The following THSD7B variants were observed in gnomAD, a reference collection of about 807,000 sequenced individuals.
THSD7B encodes the protein thrombospondin type-1 domain-containing protein 7B.
THSD7B carries 138 observed loss-of-function variants against 213.6 expected under a neutral mutation model. The observed-to-expected ratio is 0.65, with a 90% CI of 0.56 to 0.74. The LOEUF is 0.74. THSD7B is among the 30% of genes least tolerant of loss of function. The pLI, the probability that THSD7B is intolerant of heterozygous loss-of-function variation, is 0.00. For synonymous variants in THSD7B, 742 were observed against 687.0 expected (o/e 1.08, Z -1.25); for missense variants, 1,931 against 1,991.5 (o/e 0.97, Z 0.58).
intron 3 of THSD7B, among the ~76,000 whole-genome samples, chr2:137,060,084 C>T (rs951017549): frequency 2.0e-5 from 3 of 152,162 alleles, no homozygotes; most frequent in Non-Finnish European, 2.9e-5. Context: ...AATGGTATCT[C>T]ATTGTTTTAA....
intron 10 of THSD7B, among the ~76,000 whole-genome samples, chr2:137,268,433 C>T (rs1026839705): frequency 1.5e-4 from 23 of 151,910 alleles, no homozygotes; most frequent in African/African-American, 4.3e-4. Flanking sequence ...GATAGTTTGC[C>T]GAGAATGATG....
intron 2 of THSD7B, among the ~76,000 whole-genome samples, chr2:137,018,417 T>A (rs1686382117): frequency 6.6e-6 from 1 of 152,106 alleles, no homozygotes; most frequent in South Asian, 2.1e-4. Context: ...AATACAGAAG[T>A]ACTAAGAATA....
intron 7 of THSD7B, among the ~76,000 whole-genome samples, chr2:137,193,902 G>T (rs1013063119): frequency 6.7e-6 from 1 of 150,074 alleles, no homozygotes; most frequent in Non-Finnish European, 1.5e-5. Flanking sequence ...GGACTTTCTC[G>T]CTCCTGATCT....
chr2:137,011,228 T>C (rs1218156837), intron 2 of THSD7B, among the ~76,000 whole-genome samples: 1 of 152,196 alleles, frequency 6.6e-6, no homozygotes, highest in African/African-American at 2.4e-5. Flanking sequence ...TACTCTGCAC[T>C]TGAGGCCATC....
intron 14 of THSD7B, among the ~76,000 whole-genome samples, chr2:137,446,347 C>G (rs978017272): frequency 6.6e-6 from 1 of 151,992 alleles, no homozygotes; most frequent in Non-Finnish European, 1.5e-5. Flanking sequence ...CACATACATC[C>G]GTTATGCTAA....
At chr2:136,792,602 A>G (rs1052555586) in intron 1 of THSD7B, among the ~76,000 whole-genome samples, 7 of 151,974 alleles carry the variant, frequency 4.6e-5, no homozygotes, top group Non-Finnish European at 8.8e-5. Context: ...GGCTGTGCTG[A>G]TGGGGAGACA....
chr2:136,983,102 A>C (rs1195620424), intron 2 of THSD7B, among the ~76,000 whole-genome samples: 1 of 152,042 alleles, frequency 6.6e-6, no homozygotes, highest in Non-Finnish European at 1.5e-5. Context: ...TTTCTAATGT[A>C]AAAAGTATCT....
chr2:137,554,956 G>C (rs766683422), intron 15 of THSD7B, among the ~76,000 whole-genome samples: 4 of 152,326 alleles, frequency 2.6e-5, no homozygotes, highest in Middle Eastern at 3.4e-3. Flanking sequence ...TGCTAGCACA[G>C]CAGTCTGAGA....
At chr2:137,607,693 T>A (rs1042842037) in intron 17 of THSD7B, among the ~76,000 whole-genome samples, 4 of 152,196 alleles carry the variant, frequency 2.6e-5, no homozygotes, top group Non-Finnish European at 5.9e-5. Context: ...TTTTGGCTTG[T>A]ACTTGGTCAT....
intron 2 of THSD7B, among the ~76,000 whole-genome samples, chr2:137,028,593 G>A (rs1368058): frequency 0.072 from 10,909 of 152,242 alleles, 423 homozygotes; most frequent in East Asian, 0.14. Flanking sequence ...AGGCACTGGG[G>A]TTACAGGGAT....
intron 1 of THSD7B, among the ~76,000 whole-genome samples, chr2:136,784,934 A>C (rs973692974): frequency 2.0e-5 from 3 of 152,192 alleles, no homozygotes; most frequent in African/African-American, 7.2e-5. Flanking sequence ...TCATAATGCC[A>C]TTCAGCCTAA....
intron 25 of THSD7B, among the ~76,000 whole-genome samples, chr2:137,660,972 C>A (rs1198088846): frequency 6.6e-6 from 1 of 152,144 alleles, no homozygotes; most frequent in Non-Finnish European, 1.5e-5. Flanking sequence ...TCCTCAAAAT[C>A]ATGTGTTCAG....
chr2:137,453,254 A>T (rs1687687497), intron 15 of THSD7B, among the ~76,000 whole-genome samples: 1 of 151,754 alleles, frequency 6.6e-6, no homozygotes, highest in Non-Finnish European at 1.5e-5. Flanking sequence ...GTGTGGAAAA[A>T]TTAAATCAGG....
intron 14 of THSD7B, among the ~76,000 whole-genome samples, chr2:137,413,297 A>G (rs1316334458): frequency 6.6e-6 from 1 of 152,202 alleles, no homozygotes. Flanking sequence ...GCATTGGTTT[A>G]TTCATTCATT....
At chr2:137,294,747 A>T (rs893200548) in intron 12 of THSD7B, among the ~76,000 whole-genome samples, 1 of 152,054 alleles carries the variant, frequency 6.6e-6, no homozygotes, top group Admixed American at 6.6e-5. Context: ...AGGAAAAAAC[A>T]TAGTGTTTAT....
At chr2:137,364,939 C>A (rs1685369881) in intron 12 of THSD7B, among the ~76,000 whole-genome samples, 1 of 152,186 alleles carries the variant, frequency 6.6e-6, no homozygotes, top group Non-Finnish European at 1.5e-5. Flanking sequence ...CCAAGACAAT[C>A]CTAAGCCAAA....
chr2:137,642,875 C>T (rs995729498), intron 21 of THSD7B, among the ~76,000 whole-genome samples: 1 of 152,138 alleles, frequency 6.6e-6, no homozygotes, highest in Admixed American at 6.5e-5. Context: ...GGTCACAGAT[C>T]CTTCAATCTC....
chr2:137,464,209 GT>G (rs1006143997), intron 15 of THSD7B, among the ~76,000 whole-genome samples: 1 of 151,898 alleles, frequency 6.6e-6, no homozygotes, highest in Non-Finnish European at 1.5e-5. Flanking sequence ...TTACTTTTTG[GT>G]TTTAATGTTT....
rs143233552 is a variant in THSD7B, at chr2:136,797,401, G to C, written c.-36+31714G>C. Among the ~76,000 whole-genome samples, 112 of 152,094 alleles carry C rather than the reference G, an allele frequency of 7.4e-4. No individual in the cohort carries two copies. The East Asian group carries it at 0.018, about 25-fold the overall frequency. ...TTAAAAACCATTGGAGAAGGCGTAA[G>C]TCTTTCCATAGGCAACTCCATCTGA... On this transcript the variant is annotated intron_variant, in intron 1 of 27. Transcript: ENST00000409968.
Sources: allele counts gnomAD v4.1 joint callset (sites outside exome capture counted in the v4.1 genomes callset), GRCh38; gene constraint gnomAD v4.1.1; transcripts MANE v1.5; gene names NCBI Gene and HGNC (gene_info 2026-07-23, HGNC 2026-07-21).